Variants in FCHSD2 observed in about 807,000 individuals in gnomAD.
FCHSD2 encodes FCH and double SH3 domains 2.
FCHSD2 carries 38 observed loss-of-function variants against 108.1 expected under a neutral mutation model. That is an observed-to-expected ratio of 0.35 (90% CI 0.27 to 0.46). The LOEUF (loss-of-function observed/expected upper bound fraction) is 0.46, where lower values mean the gene tolerates loss of function less well. Ranked by LOEUF, FCHSD2 falls within the 20% of genes least tolerant of loss-of-function variation. FCHSD2 has a pLI of 1.00. For missense variants in FCHSD2, 751 were observed against 897.8 expected (o/e 0.84, Z 2.09); for synonymous variants, 279 against 314.7 (o/e 0.89, Z 1.20).
chr11:73,069,343 T>G (rs544593149), intron 3 of FCHSD2, among the ~76,000 whole-genome samples: 6 of 106,700 alleles, frequency 5.6e-5, no homozygotes, highest in Non-Finnish European at 1.2e-4. Flanking sequence ...GACTACAAAA[T>G]AACTATCCAA....
At chr11:73,071,079 C>T (rs1859425240) in intron 3 of FCHSD2, among the ~76,000 whole-genome samples, 1 of 152,078 alleles carries the variant, frequency 6.6e-6, no homozygotes. Context: ...ATGCCTCCTA[C>T]AATATTACTA....
intron 9 of FCHSD2, among the ~76,000 whole-genome samples, chr11:72,910,324 T>G (rs1179583209): frequency 6.6e-6 from 1 of 152,028 alleles, no homozygotes; most frequent in Non-Finnish European, 1.5e-5. Flanking sequence ...ACCCAACAGC[T>G]CCGAAGAGAC....
At chr11:73,064,437 A>C (rs1859241300) in intron 3 of FCHSD2, among the ~76,000 whole-genome samples, 1 of 152,180 alleles carries the variant, frequency 6.6e-6, no homozygotes, top group Non-Finnish European at 1.5e-5. Flanking sequence ...AACTAAGATC[A>C]GAGCAGAACT....
At chr11:72,840,093 C>T (rs373855802) in intron 19 of FCHSD2, among the ~76,000 whole-genome samples, 52 of 152,324 alleles carry the variant, frequency 3.4e-4, no homozygotes, top group African/African-American at 1.2e-3. Flanking sequence ...GCTCCAGCCT[C>T]CTAATCGCTC....
At chr11:72,941,750 ATACT>A (rs1856423611) in intron 8 of FCHSD2, among the ~76,000 whole-genome samples, 4 of 152,222 alleles carry the variant, frequency 2.6e-5, no homozygotes, top group Non-Finnish European at 5.9e-5. Flanking sequence ...TCAGAAGTAT[ATACT>A]GATATAATCT....
chr11:72,873,673 C>T (rs1269670629), intron 12 of FCHSD2, among the ~76,000 whole-genome samples: 1 of 152,084 alleles, frequency 6.6e-6, no homozygotes, highest in East Asian at 1.9e-4. Context: ...AGACTTACCC[C>T]TGTGGTTTTT....
intron 9 of FCHSD2, among the ~76,000 whole-genome samples, chr11:72,919,571 G>A (rs1052857769): frequency 2.6e-4 from 39 of 152,192 alleles, no homozygotes; most frequent in African/African-American, 5.8e-4. Flanking sequence ...TGGTAATGGC[G>A]ACCTCATGGG....
chr11:72,953,155 C>T (rs145694213), intron 8 of FCHSD2, among the ~76,000 whole-genome samples: 3 of 152,232 alleles, frequency 2.0e-5, no homozygotes, highest in African/African-American at 2.4e-5. Context: ...AGTGCTGGAT[C>T]AGAAAGAAAA....
At chr11:72,840,100 G>A (rs535777373) in intron 19 of FCHSD2, among the ~76,000 whole-genome samples, 4 of 152,146 alleles carry the variant, frequency 2.6e-5, no homozygotes, top group East Asian at 3.9e-4. Context: ...CCTCCTAATC[G>A]CTCCCTATAT....
chr11:73,122,258 C>T (rs1458348269), intron 2 of FCHSD2, among the ~76,000 whole-genome samples: 1 of 151,710 alleles, frequency 6.6e-6, no homozygotes, highest in Non-Finnish European at 1.5e-5. Flanking sequence ...AAAATAATGA[C>T]GCTGATAATA....
chr11:72,958,814 A>G (rs1856764589), intron 8 of FCHSD2, among the ~76,000 whole-genome samples: 1 of 152,174 alleles, frequency 6.6e-6, no homozygotes, highest in Admixed American at 6.5e-5. Flanking sequence ...TTAAAAGTTG[A>G]AAAAAATAAA....
intron 4 of FCHSD2, among the ~76,000 whole-genome samples, chr11:73,015,494 T>C (rs1857951244): frequency 6.6e-6 from 1 of 152,150 alleles, no homozygotes; most frequent in Non-Finnish European, 1.5e-5. Flanking sequence ...TGTTTCATCA[T>C]AGGTCACTCA....
At chr11:73,054,712 G>C (rs1346305564) in intron 3 of FCHSD2, among the ~76,000 whole-genome samples, 2 of 152,018 alleles carry the variant, frequency 1.3e-5, no homozygotes, top group African/African-American at 4.8e-5. Flanking sequence ...TCTTGGCTTT[G>C]TCACCCAGGC....
intron 8 of FCHSD2, among the ~76,000 whole-genome samples, chr11:72,975,394 G>A (rs542337339): frequency 6.6e-6 from 1 of 152,192 alleles, no homozygotes; most frequent in African/African-American, 2.4e-5. Flanking sequence ...GTTGGTTAAT[G>A]GGTATAAAAT....
chr11:73,009,417 A>G (rs2135426431), intron 4 of FCHSD2, among the ~76,000 whole-genome samples: 1 of 152,274 alleles, frequency 6.6e-6, no homozygotes, highest in East Asian at 1.9e-4. Flanking sequence ...GAATCACTTG[A>G]ACCTGGGAGG....
chr11:72,963,151 A>G (rs529116316), intron 8 of FCHSD2, among the ~76,000 whole-genome samples: 2 of 152,276 alleles, frequency 1.3e-5, no homozygotes, highest in East Asian at 3.9e-4. Context: ...TTAAAAAAAT[A>G]TTGTCTTTGT....
At chr11:73,060,983 T>C (rs1196031277) in intron 3 of FCHSD2, among the ~76,000 whole-genome samples, 1 of 152,178 alleles carries the variant, frequency 6.6e-6, no homozygotes, top group Non-Finnish European at 1.5e-5. Flanking sequence ...GAACTGTTGA[T>C]AAATAGAAGC....
At chr11:73,141,515 G>A (rs557942678) in intron 1 of FCHSD2, among the ~76,000 whole-genome samples, 1 of 152,376 alleles carries the variant, frequency 6.6e-6, no homozygotes, top group African/African-American at 2.4e-5. Flanking sequence ...CTGCAAAGCT[G>A]CAGGGGCGTC....
intron 10 of FCHSD2, among the ~76,000 whole-genome samples, chr11:72,896,799 T>C (rs1457567041): frequency 8.4e-6 from 1 of 119,450 alleles, no homozygotes; most frequent in Non-Finnish European, 1.8e-5. Flanking sequence ...AAGAAAGAAA[T>C]ATGCTTGCCT....
Sources: allele counts gnomAD v4.1 joint callset (sites outside exome capture counted in the v4.1 genomes callset), GRCh38; gene constraint gnomAD v4.1.1; transcripts MANE v1.5; gene names NCBI Gene and HGNC (gene_info 2026-07-23, HGNC 2026-07-21).